The following HMGN5 variants were observed in gnomAD, a reference collection of about 807,000 sequenced individuals.
HMGN5 encodes high mobility group nucleosome binding domain 5, also known as high mobility group nucleosome-binding domain-containing protein 5.
A neutral mutation model predicts 9.5 loss-of-function variants in HMGN5; 4 were observed. The observed-to-expected ratio is 0.42, with a 90% CI of 0.21 to 0.96. HMGN5 has a LOEUF of 0.96. Among genes scored for constraint, HMGN5 ranks in the 40% least tolerant of loss-of-function variants. The pLI is 0.30. For missense variants in HMGN5, 192 were observed against 187.5 expected, an observed-to-expected ratio of 1.02 and a Z score of -0.14; for synonymous variants, 55 against 57.1, an observed-to-expected ratio of 0.96 and a Z score of 0.16.
chrX:81,144,485 C>T (rs2075337809), intron 1 of HMGN5, among the ~76,000 whole-genome samples: 3 of 111,844 alleles, frequency 2.7e-5, no homozygotes, highest in Non-Finnish European at 1.9e-5. Flanking sequence ...CACAGAAACC[C>T]CATTTGAAAG....
intron 1 of HMGN5, among the ~76,000 whole-genome samples, chrX:81,186,527 TTTATC>T (rs1185376909): frequency 8.9e-6 from 1 of 111,984 alleles, no homozygotes; most frequent in Non-Finnish European, 1.9e-5. Flanking sequence ...GGTTTGTTAA[TTTATC>T]TTTTCAGAAC....
chrX:81,175,561 A>G (rs1280204212), intron 1 of HMGN5, among the ~76,000 whole-genome samples: 1 of 111,632 alleles, frequency 9.0e-6, no homozygotes, highest in East Asian at 2.8e-4. Flanking sequence ...ACATGTCTTC[A>G]GGATCACTTA....
At chrX:81,128,498 A>T (rs1273349021) in intron 1 of HMGN5, among the ~76,000 whole-genome samples, 1 of 111,428 alleles carries the variant, frequency 9.0e-6, no homozygotes, top group African/African-American at 3.3e-5. Flanking sequence ...AGTCTACTTC[A>T]TATACAGACA....
chrX:81,144,695 C>G (rs1039383477), intron 1 of HMGN5, among the ~76,000 whole-genome samples: 2 of 111,412 alleles, frequency 1.8e-5, no homozygotes, highest in Admixed American at 9.5e-5. Flanking sequence ...TAATAACAAA[C>G]TCCTTTGAGC....
intron 1 of HMGN5, among the ~76,000 whole-genome samples, chrX:81,160,890 C>A (rs1271631636): frequency 1.8e-5 from 2 of 111,619 alleles, no homozygotes; most frequent in East Asian, 5.6e-4. Context: ...GTTCAGTCTA[C>A]AACTTTGGTG....
At chrX:81,201,326 A>C (rs767825743) in intron 1 of HMGN5, among the ~76,000 whole-genome samples, 1 of 110,935 alleles carries the variant, frequency 9.0e-6, no homozygotes, top group African/African-American at 3.3e-5. Context: ...AGAGCTACAA[A>C]TAACCATCTG....
intron 1 of HMGN5, among the ~76,000 whole-genome samples, chrX:81,184,078 C>T (rs972511676): frequency 1.8e-5 from 2 of 110,593 alleles, no homozygotes; most frequent in African/African-American, 3.3e-5. Context: ...TGGGAGGGGC[C>T]GGGGTGGAAT....
intron 1 of HMGN5, among the ~76,000 whole-genome samples, chrX:81,196,473 G>T (rs775646659): frequency 2.7e-5 from 3 of 110,556 alleles, no homozygotes; most frequent in African/African-American, 9.8e-5. Context: ...TCATGGGGGT[G>T]GTTTCCCCCA....
At chrX:81,143,669 A>G (rs1041653948) in intron 1 of HMGN5, among the ~76,000 whole-genome samples, 4 of 112,471 alleles carry the variant, frequency 3.6e-5, no homozygotes, top group African/African-American at 1.3e-4. Flanking sequence ...CATGGTCTTC[A>G]CAACTGGCAG....
chrX:81,172,731 T>A (rs1452624747), intron 1 of HMGN5, among the ~76,000 whole-genome samples: 6 of 110,485 alleles, frequency 5.4e-5, no homozygotes, highest in African/African-American at 1.6e-4. Flanking sequence ...AAACATAACA[T>A]GATAAAAAAA....
intron 1 of HMGN5, among the ~76,000 whole-genome samples, chrX:81,188,076 T>C (rs1320192207): frequency 9.1e-6 from 1 of 109,576 alleles, no homozygotes; most frequent in East Asian, 2.9e-4. Context: ...GTACTGTCTA[T>C]GTCTTGAAAA....
chrX:81,121,410 A>T (rs1264543073), intron 2 of HMGN5, 125 bp downstream of exon 2: 4 of 682,981 alleles, frequency 5.9e-6, no homozygotes, highest in Non-Finnish European at 9.4e-6. Flanking sequence ...TTTCCGTTTC[A>T]TTACATCACA....
intron 1 of HMGN5, among the ~76,000 whole-genome samples, chrX:81,170,697 A>G (rs2075423900): frequency 9.0e-6 from 1 of 111,336 alleles, no homozygotes; most frequent in Non-Finnish European, 1.9e-5. Flanking sequence ...CTATCTGGTA[A>G]TATATATAAT....
At chrX:81,140,706 C>T (rs899972563) in intron 1 of HMGN5, among the ~76,000 whole-genome samples, 1 of 111,215 alleles carries the variant, frequency 9.0e-6, no homozygotes, top group African/African-American at 3.3e-5. Context: ...GACTTTCTGC[C>T]TTCAGGTGAG....
At chrX:81,146,014 G>C (rs1461778124) in intron 1 of HMGN5, among the ~76,000 whole-genome samples, 1 of 111,014 alleles carries the variant, frequency 9.0e-6, no homozygotes, top group Non-Finnish European at 1.9e-5. Flanking sequence ...AGTTCTCAGA[G>C]ACCTACAAAG....
chrX:81,116,083 A>G, intron 6 of HMGN5, 121 bp downstream of exon 6: 1 of 480,791 alleles, frequency 2.1e-6, no homozygotes, highest in Non-Finnish European at 3.5e-6. Flanking sequence ...CCATTATACT[A>G]TAGAACCACT....
At chrX:81,181,419 T>C (rs2075462597) in intron 1 of HMGN5, among the ~76,000 whole-genome samples, 1 of 111,679 alleles carries the variant, frequency 9.0e-6, no homozygotes, top group Non-Finnish European at 1.9e-5. Context: ...AAATGGGGTA[T>C]CCATCACCTC....
chrX:81,177,726 T>G (rs2075447522), intron 1 of HMGN5, among the ~76,000 whole-genome samples: 1 of 111,375 alleles, frequency 9.0e-6, no homozygotes, highest in East Asian at 2.8e-4. Context: ...AATAGACATC[T>G]ACAGAACTCT....
At chrX:81,152,850 A>C (rs900871793) in intron 1 of HMGN5, among the ~76,000 whole-genome samples, 1 of 108,743 alleles carries the variant, frequency 9.2e-6, no homozygotes, top group Admixed American at 9.9e-5. Context: ...TTGTAGGGAC[A>C]TGGATGAAAT....
Sources: allele counts gnomAD v4.1 joint callset (sites outside exome capture counted in the v4.1 genomes callset), GRCh38; gene constraint gnomAD v4.1.1; transcripts MANE v1.5; gene names NCBI Gene and HGNC (gene_info 2026-07-23, HGNC 2026-07-21).